CARS1: variants seen among roughly 807,000 people sequenced by gnomAD.
The protein encoded by CARS1 is cysteinyl-tRNA synthetase 1.
A neutral mutation model predicts 106.2 loss-of-function variants in CARS1; 48 were observed. That is an observed-to-expected ratio of 0.45 (90% CI 0.36 to 0.57). CARS1 has a LOEUF of 0.57. Among genes scored for constraint, CARS1 ranks in the 20% least tolerant of loss-of-function variants. The pLI, the probability that CARS1 is intolerant of heterozygous loss-of-function variation, is 0.00. For missense variants in CARS1, 968 were observed against 1,057.2 expected, an observed-to-expected ratio of 0.92 and a Z score of 1.17; for synonymous variants, 409 against 403.4, an observed-to-expected ratio of 1.01 and a Z score of -0.17.
At position 3,018,644 on chromosome 11, in the gene CARS1, T is replaced by G. The variant is rs776816552; in HGVS notation, c.1501A>C (p.Lys501Gln). Residue 501 changes from lysine (K) to glutamine (Q), a missense_variant, in exon 13 of 23, where the codon AAA becomes CAA. Physicochemically the swap from Lys to Gln is moderately conservative, Grantham distance 53 (BLOSUM62 1). Transcript: ENST00000380525. ...CCTGAGTGCTTTTTCAAGGCATCTT[T>G]AATGGTGATGAAGTTTTTTAGTGAC... ...SKSLKNFITI[K>Q]DALKKHSARQ... 6.2e-7 allele frequency: 1 copy of G among 1,614,096 alleles called. No homozygotes were observed. The highest frequency in any genetic ancestry group is 1.7e-5 in the Admixed American group (1 of 60,006).
rs1446242558 is a variant in CARS1 at position 3,050,471 on chromosome 11, C to T, written c.26-2470G>A. 6.6e-6 allele frequency among the ~76,000 whole-genome samples: 1 copy of T among 152,190 alleles called. No individual in the cohort carries two copies. Among genetic ancestry groups the T allele is most frequent in the African/African-American group, 2.4e-5 (1 of 41,448 alleles). On this transcript the variant is annotated intron_variant, in intron 1 of 22. Coordinates refer to ENST00000380525, the MANE Select transcript of CARS1 (RefSeq NM_001014437.3). The surrounding 1 kb of genome is among the most constrained non-coding windows in gnomAD (Gnocchi z 6.3). ...TCCGGGGCCTCTAACTCAAAAGAAGCTTTGGACTTGAGAGCCAGCCCTTGT... is the reference window on the plus strand; with the variant it reads ...TCCGGGGCCTCTAACTCAAAAGAAGTTTTGGACTTGAGAGCCAGCCCTTGT...
Position 3,030,369 on chromosome 11 carries a change from GC to G in CARS1, c.802-927del, listed in dbSNP as rs1283410309. 1 of 152,216 alleles carries G rather than the reference GC, an allele frequency of 6.6e-6. No individual in the cohort carries two copies. Among genetic ancestry groups the G allele is most frequent in the African/African-American group, 2.4e-5 (1 of 41,440 alleles). The allele number at this position is 152,216 out of a possible 1,614,324, so 9.4% of individuals were successfully genotyped here. ...ATCAAACAGATGTGTTAAATGTATTGCAGGCCTGCAAGTGGCAAGGCACGTC... is the reference window on the plus strand; with the variant it reads ...ATCAAACAGATGTGTTAAATGTATTGAGGCCTGCAAGTGGCAAGGCACGTC... On this transcript the variant is annotated intron_variant, in intron 7 of 22. Transcript: ENST00000380525. The surrounding 1 kb of genome is among the most constrained non-coding windows in gnomAD (Gnocchi z 5.7).
chr11:3,011,351 C>A (rs1057378993), intron 18 of CARS1, among the ~76,000 whole-genome samples: 5 of 151,750 alleles, frequency 3.3e-5, no homozygotes, highest in African/African-American at 7.3e-5. Flanking sequence ...CACGCCTGTA[C>A]TCCCAGCACT....
At chr11:3,024,459 T>C (rs1401993453) in intron 10 of CARS1, among the ~76,000 whole-genome samples, 1 of 152,092 alleles carries the variant, frequency 6.6e-6, no homozygotes, top group Admixed American at 6.5e-5. Context: ...ATTTTTTTAA[T>C]GTCTTTGAGA....
intron 10 of CARS1, among the ~76,000 whole-genome samples, chr11:3,025,787 G>T (rs901610558): frequency 1.2e-4 from 19 of 152,190 alleles, no homozygotes; most frequent in African/African-American, 4.6e-4. Context: ...GCCTGGTCTA[G>T]AAAAAGTCTG....
In CARS1 at chr11:3,012,280, C is replaced by T. The variant is rs779731597; in HGVS notation, c.1987-4G>A. ...AGGGCATGACTGTGGCCTCGAGCTG[C>T]GGAAAGAACAGTTTTGGTTCACTGA... is the stretch of plus-strand genomic sequence containing the variant. On this transcript the variant is annotated splice_region_variant and splice_polypyrimidine_tract_variant and intron_variant, in intron 17 of 22. Transcript: ENST00000380525. 32 of 1,613,816 alleles carry T rather than the reference C, an allele frequency of 2.0e-5. No homozygotes were observed. Among genetic ancestry groups the T allele is most frequent in the South Asian group, 9.9e-5 (9 of 91,076 alleles).
intron 2 of CARS1, among the ~76,000 whole-genome samples, chr11:3,047,418 G>C (rs958801144): frequency 1.3e-5 from 2 of 152,212 alleles, no homozygotes; most frequent in African/African-American, 2.4e-5. Flanking sequence ...CACAGCCTTA[G>C]CTAAAAATCA....
rs1378782805 is a variant in CARS1 at position 3,038,533 on chromosome 11, G to A, written c.652-334C>T. 1.3e-5 allele frequency among the ~76,000 whole-genome samples: 2 copies of A among 152,198 alleles called. No individual in the cohort carries two copies. The highest frequency in any genetic ancestry group is 2.4e-5 in the African/African-American group (1 of 41,438). On this transcript the variant is annotated intron_variant, in intron 6 of 22. Coordinates refer to ENST00000380525, the MANE Select transcript of CARS1 (RefSeq NM_001014437.3). This position sits in a 1 kb window ranked among gnomAD's most constrained non-coding sequence, Gnocchi z 4.0. ...TAGGCCACCCAGTGTGTTCTGAGGT[G>A]TGCTGCAGACACATCCATCAGGAAG...
intron 7 of CARS1, among the ~76,000 whole-genome samples, chr11:3,033,171 C>G (rs185929681): frequency 2.5e-4 from 38 of 151,708 alleles, no homozygotes; most frequent in African/African-American, 9.2e-4. Context: ...TAGGCTAAGC[C>G]AACAGGAAGA....
intron 22 of CARS1, 25 bp from the exon 23 acceptor site, chr11:3,001,273 A>G (rs752948453): frequency 1.7e-5 from 28 of 1,611,306 alleles, no homozygotes; most frequent in African/African-American, 4.0e-5. Flanking sequence ...CACAGCGGCT[A>G]TTGGTCTCCT....
Position 3,029,761 on chromosome 11 carries a change from G to C in CARS1, c.802-318C>G. The C allele has an allele frequency of 2.6e-6, 1 of 382,270 alleles. No homozygotes were observed. Among genetic ancestry groups the C allele is most frequent in the South Asian group, 4.3e-5 (1 of 23,328 alleles). The allele number at this position is 382,270 out of a possible 1,614,324, so 23.7% of individuals were successfully genotyped here. A position where few individuals can be genotyped will look rare whatever the true frequency, so the allele number is the denominator to read the frequency against. ...GTGCAGCCTACCTGGGCCGTGCAGG[G>C]CAGGGTTATGGGCAGAGGCTGGGCA... On this transcript the variant is annotated intron_variant, in intron 7 of 22. Coordinates refer to ENST00000380525, the MANE Select transcript of CARS1 (RefSeq NM_001014437.3). The surrounding 1 kb of genome is among the most constrained non-coding windows in gnomAD (Gnocchi z 5.9).
In CARS1 at chr11:3,039,350, G is replaced by A. The variant is rs1210125945; in HGVS notation, c.553-58C>T. 1 of 1,071,788 alleles carries A rather than the reference G, an allele frequency of 9.3e-7. No homozygotes were observed. The highest frequency in any genetic ancestry group is 1.7e-5 in the Admixed American group (1 of 58,198). 66.4% of individuals were successfully genotyped at this position (1,071,788 alleles called of 1,614,324 possible). A position where few individuals can be genotyped will look rare whatever the true frequency, so the allele number is the denominator to read the frequency against. ...GCTTGGATCCCACATGCATCCCTCTGCAGCAGGCCACTCTCTCCCTTGGCC... is the reference window on the plus strand; with the variant it reads ...GCTTGGATCCCACATGCATCCCTCTACAGCAGGCCACTCTCTCCCTTGGCC... On this transcript the variant is annotated intron_variant, in intron 5 of 22. Transcript: ENST00000380525. The surrounding 1 kb of genome is among the most constrained non-coding windows in gnomAD (Gnocchi z 5.6).
At position 3,040,379 on chromosome 11, in the gene CARS1, G is replaced by A. The variant is rs1227085245; in HGVS notation, c.456-448C>T. On this transcript the variant is annotated intron_variant, in intron 4 of 22. Transcript: ENST00000380525. The surrounding 1 kb of genome is among the most constrained non-coding windows in gnomAD (Gnocchi z 5.8). ...CCCTCTACCCTCCAGGTTGTTCAAG[G>A]GTTGACTATACATGACCTTGGCACT... The A allele has an allele frequency of 2.7e-6, 1 of 366,698 alleles. No individual in the cohort carries two copies. Among genetic ancestry groups the A allele is most frequent in the Non-Finnish European group, 5.3e-6 (1 of 187,382 alleles). The allele number at this position is 366,698 out of a possible 1,614,324, so 22.7% of individuals were successfully genotyped here.
chr11:3,020,199 C>T lies in CARS1; in HGVS notation c.1266+21G>A, dbSNP rs779180470. The stretch of plus-strand genomic sequence containing the variant: ...CCAGTGCCCCTGTCCAAGCCCCACA[C>T]CTTCTAGGCCACTCGCTCACCTTTC... On this transcript the variant is annotated intron_variant, in intron 11 of 22. Coordinates refer to ENST00000380525, the MANE Select transcript of CARS1 (RefSeq NM_001014437.3). The surrounding 1 kb of genome is among the most constrained non-coding windows in gnomAD (Gnocchi z 4.6). 1.4e-6 allele frequency: 2 copies of T among 1,441,410 alleles called. No homozygotes were observed. The highest frequency in any genetic ancestry group is 2.3e-5 in the South Asian group (2 of 87,730). The allele number at this position is 1,441,410 out of a possible 1,614,324, so 89.3% of individuals were successfully genotyped here.
rs72850071 is a variant in CARS1, at chr11:3,002,069, C to G, written c.2278-16G>C. The G allele has an allele frequency of 5.1e-3, 8,036 of 1,583,228 alleles. 29 individuals carry two copies. Among genetic ancestry groups the G allele is most frequent in the Non-Finnish European group, 6.4e-3 (7,375 of 1,152,282 alleles). On this transcript the variant is annotated splice_polypyrimidine_tract_variant and intron_variant, in intron 21 of 22. Transcript: ENST00000380525. ...GCTTTGCTGCCTAGAACACGCAACA[C>G]GGCACAGTCACTGCCCCCGAGCAGC... is the stretch of plus-strand genomic sequence containing the variant.
Position 3,054,032 on chromosome 11 carries a change from G to A in CARS1, c.25+3311C>T, listed in dbSNP as rs1855944282. On this transcript the variant is annotated intron_variant, in intron 1 of 22. Coordinates refer to ENST00000380525, the MANE Select transcript of CARS1 (RefSeq NM_001014437.3). Reference sequence around the variant, plus strand: ...TCCCTGCCCAAGAAGTGTTCAGAAAGGGGACCGGAAAAAGCCCCCAGACAT... The same window carrying A: ...TCCCTGCCCAAGAAGTGTTCAGAAAAGGGACCGGAAAAAGCCCCCAGACAT... Among the ~76,000 whole-genome samples, 2 of 152,258 alleles carry A rather than the reference G, an allele frequency of 1.3e-5. 1 individual carries two copies. The highest frequency in any genetic ancestry group is 4.1e-4 in the South Asian group (2 of 4,824).
At chr11:3,036,037 T>G (rs1393498024) in intron 7 of CARS1, among the ~76,000 whole-genome samples, 1 of 152,222 alleles carries the variant, frequency 6.6e-6, no homozygotes, top group Admixed American at 6.5e-5. Flanking sequence ...TTGCGGCACG[T>G]GCCAGGCAGA....
rs1166600576 is a variant in CARS1 at position 3,038,546 on chromosome 11, A to G, written c.652-347T>C. Among the ~76,000 whole-genome samples, 1 of 152,222 alleles carries G rather than the reference A, an allele frequency of 6.6e-6. No homozygotes were observed. Among genetic ancestry groups the G allele is most frequent in the Non-Finnish European group, 1.5e-5 (1 of 68,040 alleles). On this transcript the variant is annotated intron_variant, in intron 6 of 22. Coordinates refer to ENST00000380525, the MANE Select transcript of CARS1 (RefSeq NM_001014437.3). The surrounding 1 kb of genome is among the most constrained non-coding windows in gnomAD (Gnocchi z 4.0). The stretch of plus-strand genomic sequence containing the variant: ...GTGTTCTGAGGTGTGCTGCAGACAC[A>G]TCCATCAGGAAGGTACTCAGGCCTC...
chr11:3,055,363 G>A (rs549728039), intron 1 of CARS1, among the ~76,000 whole-genome samples: 15 of 152,078 alleles, frequency 9.9e-5, no homozygotes, highest in African/African-American at 1.9e-4. Flanking sequence ...CCATGGTCTC[G>A]ATCTCCTGAC....
Sources: gnomAD v4.1 joint callset for allele counts (sites outside exome capture counted in the v4.1 genomes callset) on GRCh38, gnomAD v4.1.1 for gene constraint, Gnocchi (gnomAD v3.1) non-coding constraint, MANE v1.5 for transcripts, NCBI Gene and HGNC (gene_info 2026-07-23, HGNC 2026-07-21) for gene names.